Variants in CLVS1 observed in about 807,000 individuals in gnomAD.
The protein encoded by CLVS1 is clavesin 1, also known as clavesin-1.
A neutral mutation model predicts 33.1 loss-of-function variants in CLVS1; 10 were observed. The observed-to-expected ratio is 0.30, with a 90% CI of 0.19 to 0.51. The LOEUF (loss-of-function observed/expected upper bound fraction) is 0.51, where lower values mean the gene tolerates loss of function less well. CLVS1 is among the 20% of genes least tolerant of loss of function. The pLI, the probability that CLVS1 is intolerant of heterozygous loss-of-function variation, is 0.97. For synonymous variants in CLVS1, 163 were observed against 166.1 expected, an observed-to-expected ratio of 0.98 and a Z score of 0.14; for missense variants, 343 against 433.4, an observed-to-expected ratio of 0.79 and a Z score of 1.85.
the CLVS1 span, among the ~76,000 whole-genome samples, chr8:61,013,304 C>A: frequency 6.6e-6 from 1 of 152,224 alleles, no homozygotes; most frequent in Non-Finnish European, 1.5e-5. Flanking sequence ...TCCTTCCCAG[C>A]CTCCATATAG....
intron 2 of CLVS1, among the ~76,000 whole-genome samples, chr8:61,222,889 G>T (rs868385471): frequency 2.1e-4 from 31 of 148,302 alleles, no homozygotes; most frequent in South Asian, 1.3e-3. Flanking sequence ...AGCTCTTTTT[G>T]TTGAATTGAT....
chr8:61,180,424 G>T (rs1346397589), intron 2 of CLVS1, among the ~76,000 whole-genome samples: 1 of 152,136 alleles, frequency 6.6e-6, no homozygotes, highest in Non-Finnish European at 1.5e-5. Flanking sequence ...AGAAGAGCTG[G>T]TACCATTCCT....
At chr8:61,313,323 A>G (rs1400953029) in intron 2 of CLVS1, among the ~76,000 whole-genome samples, 2 of 152,170 alleles carry the variant, frequency 1.3e-5, no homozygotes, top group African/African-American at 4.8e-5. Flanking sequence ...CAAGCTGGGG[A>G]AACCTCAGTT....
intron 1 of CLVS1, among the ~76,000 whole-genome samples, chr8:61,082,422 C>A (rs537835027): frequency 6.6e-5 from 10 of 151,982 alleles, no homozygotes; most frequent in African/African-American, 2.4e-4. Context: ...ATGATAGATG[C>A]CAAATCACAG....
the CLVS1 span, among the ~76,000 whole-genome samples, chr8:61,038,963 T>TA: frequency 6.6e-6 from 1 of 152,212 alleles, no homozygotes; most frequent in Non-Finnish European, 1.5e-5. Flanking sequence ...CATTTTTTTT[T>TA]ATTAATATGA....
intron 2 of CLVS1, among the ~76,000 whole-genome samples, chr8:61,164,018 C>T (rs1021271652): frequency 3.3e-5 from 5 of 152,178 alleles, no homozygotes; most frequent in South Asian, 4.1e-4. Context: ...ACTCCCGGCT[C>T]GAATGCGTGG....
At chr8:61,163,365 G>T (rs934565397) in intron 2 of CLVS1, among the ~76,000 whole-genome samples, 2 of 152,278 alleles carry the variant, frequency 1.3e-5, no homozygotes, top group African/African-American at 2.4e-5. Context: ...TTTCCTTGAA[G>T]AGGTTTATTA....
At chr8:61,102,487 G>T (rs551043999) in intron 1 of CLVS1, among the ~76,000 whole-genome samples, 1 of 152,180 alleles carries the variant, frequency 6.6e-6, no homozygotes, top group African/African-American at 2.4e-5. Context: ...AGTTCTAATA[G>T]TTCTAAAAAT....
At chr8:61,122,602 A>ACC (rs1805895860) in intron 1 of CLVS1, among the ~76,000 whole-genome samples, 1 of 151,708 alleles carries the variant, frequency 6.6e-6, no homozygotes, top group African/African-American at 2.4e-5. Flanking sequence ...ACACACACAC[A>ACC]CACACACACA....
At chr8:61,419,880 TAG>T (rs1431810191) in intron 3 of CLVS1, among the ~76,000 whole-genome samples, 1 of 152,244 alleles carries the variant, frequency 6.6e-6, no homozygotes, top group African/African-American at 2.4e-5. Flanking sequence ...ACTTCTAAAC[TAG>T]AGTTTCTAAG....
chr8:61,009,192 A>T, the CLVS1 span, among the ~76,000 whole-genome samples: 2 of 148,686 alleles, frequency 1.3e-5, no homozygotes, highest in Non-Finnish European at 3.0e-5. Context: ...TTTTTCTGAG[A>T]TAGAGTCTCA....
intron 2 of CLVS1, among the ~76,000 whole-genome samples, chr8:61,363,314 A>G (rs2129600175): frequency 6.6e-6 from 1 of 152,268 alleles, no homozygotes; most frequent in East Asian, 1.9e-4. Context: ...TATTTAACGC[A>G]TTTTCCAAAT....
intron 2 of CLVS1, among the ~76,000 whole-genome samples, chr8:61,364,968 G>A: frequency 6.6e-6 from 1 of 152,186 alleles, no homozygotes; most frequent in East Asian, 1.9e-4. Context: ...CTTGCACACT[G>A]TTATCAGAGT....
intron 2 of CLVS1, among the ~76,000 whole-genome samples, chr8:61,181,765 T>A (rs960907769): frequency 4.1e-5 from 6 of 144,836 alleles, no homozygotes; most frequent in Non-Finnish European, 6.0e-5. Flanking sequence ...AGTGGCGTGA[T>A]CTCTGCTCAC....
At chr8:60,967,663 C>G in the CLVS1 span, 3 of 455,846 alleles carry the variant, frequency 6.6e-6, no homozygotes, top group African/African-American at 4.0e-5. Context: ...GCCATTTGTA[C>G]AGACGTTTTC....
the CLVS1 span, among the ~76,000 whole-genome samples, chr8:60,979,483 T>C: frequency 1.3e-5 from 2 of 152,226 alleles, no homozygotes; most frequent in African/African-American, 4.8e-5. Flanking sequence ...TCCTGTCTAA[T>C]GGAGAGTTTC....
intron 3 of CLVS1, among the ~76,000 whole-genome samples, chr8:61,414,779 A>G (rs1183022375): frequency 6.6e-6 from 1 of 152,210 alleles, no homozygotes; most frequent in Admixed American, 6.5e-5. Flanking sequence ...ACCCTCACTG[A>G]TCCTCTCAGT....
rs531851511 is a variant in CLVS1, at chr8:61,414,949, T to G, written c.630+38170T>G. Among the ~76,000 whole-genome samples, 5 of 152,378 alleles carry G rather than the reference T, an allele frequency of 3.3e-5. No individual in the cohort carries two copies. The South Asian group carries it at 1.0e-3, about 32-fold the overall frequency. ...TTATAGATTCATAAAGTTTAACTTA[T>G]TCTCCTTACTTCATTGTAAGCCACA... is the stretch of plus-strand genomic sequence containing the variant. On this transcript the variant is annotated intron_variant, in intron 3 of 5. Transcript: ENST00000325897.
intron 3 of CLVS1, chr8:61,378,266 T>A (rs1268234586): frequency 6.6e-6 from 1 of 152,150 alleles, no homozygotes; most frequent in East Asian, 1.9e-4. Context: ...TTTTCTTAAA[T>A]CAGTAAGAAA....
Sources: allele counts gnomAD v4.1 joint callset (sites outside exome capture counted in the v4.1 genomes callset), GRCh38; gene constraint gnomAD v4.1.1; transcripts MANE v1.5; gene names NCBI Gene and HGNC (gene_info 2026-07-23, HGNC 2026-07-21).